The following NEBL variants were observed in gnomAD, a reference collection of about 807,000 sequenced individuals.
NEBL encodes the protein nebulette.
A neutral mutation model predicts 140.2 loss-of-function variants in NEBL; 122 were observed. The observed-to-expected ratio is 0.87, with a 90% confidence interval of 0.75 to 1.01. The LOEUF (loss-of-function observed/expected upper bound fraction) is 1.01. NEBL is among the 50% of genes least tolerant of loss of function. The pLI is 0.00. For synonymous variants in NEBL, 436 were observed against 398.9 expected, an observed-to-expected ratio of 1.09 and a Z score of -1.11; for missense variants, 1,365 against 1,231.3, an observed-to-expected ratio of 1.11 and a Z score of -1.62.
intron 5 of NEBL, among the ~76,000 whole-genome samples, chr10:20,873,522 A>G (rs1845186527): frequency 6.6e-6 from 1 of 152,140 alleles, no homozygotes; most frequent in Non-Finnish European, 1.5e-5. Flanking sequence ...AAGAAAGATT[A>G]AAGAAGAAGA....
intron 2 of NEBL, among the ~76,000 whole-genome samples, chr10:21,157,622 G>T (rs1840386616): frequency 6.6e-6 from 1 of 152,148 alleles, no homozygotes; most frequent in Non-Finnish European, 1.5e-5. Flanking sequence ...AAATTCTTCA[G>T]TTCACTGTGT....
intron 1 of NEBL, among the ~76,000 whole-genome samples, chr10:21,257,867 A>C (rs1326940248): frequency 6.6e-6 from 1 of 151,906 alleles, no homozygotes; most frequent in Non-Finnish European, 1.5e-5. Flanking sequence ...CCTGGGTGGC[A>C]GAGCGAGACT....
At position 20,812,882 on chromosome 10, in the gene NEBL, T is replaced by C. The variant is rs1838306537; in HGVS notation, c.2405A>G (p.Asp802Gly). The C allele has an allele frequency of 1.2e-6, 2 of 1,614,030 alleles. No individual in the cohort carries two copies. Residue 802 changes from aspartate (D) to glycine (G), a missense_variant, in exon 24 of 28, where the codon GAC (aspartate) becomes GGC (glycine). Around this residue, in one of 2 missense-constraint regions of NEBL, gnomAD observed 1,323 missense variants for 1,154.8 expected, o/e 1.15. Transcript: ENST00000377122. ...CCTCACTCTCTCTGTCACAGGATCG[T>C]CCACGACGGGAGTAAAGCCTCTCCC... ...TKGRGFTPVVDDPVTERVRKN... is the reference protein window; with the variant it reads ...TKGRGFTPVVGDPVTERVRKN...
chr10:21,278,874 G>T (rs1842956756), intron 1 of NEBL, among the ~76,000 whole-genome samples: 1 of 152,070 alleles, frequency 6.6e-6, no homozygotes, highest in Non-Finnish European at 1.5e-5. Context: ...CACCACACTG[G>T]CTGCTTCAAA....
chr10:20,851,051 T>C (rs1233403736), intron 10 of NEBL, among the ~76,000 whole-genome samples: 2 of 152,240 alleles, frequency 1.3e-5, no homozygotes, highest in Middle Eastern at 3.2e-3. Flanking sequence ...CAATATTTAA[T>C]ATCATATTAT....
At chr10:21,009,444 C>G (rs1289941509) in intron 3 of NEBL, among the ~76,000 whole-genome samples, 2 of 152,084 alleles carry the variant, frequency 1.3e-5, no homozygotes, top group African/African-American at 4.8e-5. Flanking sequence ...AAAAGGGGTC[C>G]AGAGCAGCTC....
chr10:20,858,444 T>C (rs909409252), intron 8 of NEBL, 100 bp from the exon 9 acceptor site: 16 of 979,424 alleles, frequency 1.6e-5, no homozygotes, highest in African/African-American at 4.8e-5. Context: ...GACTATTTAG[T>C]GGTAAATGGA....
intron 1 of NEBL, among the ~76,000 whole-genome samples, chr10:21,283,135 CAA>C (rs35005779): frequency 0.67 from 81,554 of 121,014 alleles, 26,269 homozygotes; most frequent in East Asian, 0.95. Flanking sequence ...GACTGTGTCT[CAA>C]AAAAAAAAAA....
chr10:21,163,218 T>C (rs1053611172), intron 2 of NEBL, among the ~76,000 whole-genome samples: 2 of 152,168 alleles, frequency 1.3e-5, no homozygotes, highest in African/African-American at 4.8e-5. Flanking sequence ...TTTTTTCCTA[T>C]AAGCAATAGG....
intron 4 of NEBL, among the ~76,000 whole-genome samples, chr10:20,932,688 A>T (rs949896155): frequency 3.3e-5 from 5 of 152,230 alleles, no homozygotes; most frequent in Admixed American, 1.3e-4. Flanking sequence ...TGATTAAAGG[A>T]ACTTCAATAG....
chr10:20,932,836 C>T (rs1235284560), intron 4 of NEBL, among the ~76,000 whole-genome samples: 1 of 152,214 alleles, frequency 6.6e-6, no homozygotes, highest in African/African-American at 2.4e-5. Context: ...TCAGCAATCC[C>T]TAACTTTGGG....
intron 3 of NEBL, among the ~76,000 whole-genome samples, chr10:20,966,911 G>A (rs1836339651): frequency 6.6e-6 from 1 of 152,152 alleles, no homozygotes; most frequent in Non-Finnish European, 1.5e-5. Flanking sequence ...ACCAGAGACT[G>A]GTAAATTGTT....
intron 3 of NEBL, among the ~76,000 whole-genome samples, chr10:21,190,247 A>G (rs1015356076): frequency 1.3e-5 from 2 of 152,154 alleles, no homozygotes; most frequent in East Asian, 1.9e-4. Flanking sequence ...TGAGAAGCCA[A>G]GGTGGGAGGA....
At chr10:21,166,606 C>T (rs1046478098) in intron 2 of NEBL, among the ~76,000 whole-genome samples, 5 of 152,290 alleles carry the variant, frequency 3.3e-5, no homozygotes, top group East Asian at 3.9e-4. Flanking sequence ...CACCAGGCTA[C>T]GGCCTATCCT....
chr10:21,242,105 G>C (rs1437102050), intron 3 of NEBL, among the ~76,000 whole-genome samples: 2 of 152,168 alleles, frequency 1.3e-5, no homozygotes, highest in African/African-American at 4.8e-5. Flanking sequence ...GGGAAGCTAA[G>C]ATGGGAGAAT....
chr10:20,787,685 T>G (rs1835544355), intron 26 of NEBL, among the ~76,000 whole-genome samples: 1 of 152,222 alleles, frequency 6.6e-6, no homozygotes, highest in African/African-American at 2.4e-5. Context: ...TTAAAGGAAT[T>G]TAATGATAGA....
Position 20,854,793 on chromosome 10 carries a change from G to A in NEBL, c.904-2144C>T, listed in dbSNP as rs111518365. Among the ~76,000 whole-genome samples the A allele has an allele frequency of 4.1e-3, 623 of 151,982 alleles. 4 individuals are homozygous for A. Among genetic ancestry groups the A allele is most frequent in the African/African-American group, 0.014 (590 of 41,480 alleles). ...CTGCCCACGCTGGTCTCAAACTCCT[G>A]GCCTCAAGCCATCCTCCTGCCTTGG... On this transcript the variant is annotated intron_variant, in intron 9 of 27. Coordinates refer to ENST00000377122, the MANE Select transcript of NEBL (RefSeq NM_006393.3).
At position 20,817,642 on chromosome 10, in the gene NEBL, T is replaced by C. The variant is rs1460174568; in HGVS notation, c.2106A>G (p.Pro702=). 1.9e-6 allele frequency: 3 copies of C among 1,613,960 alleles called. No individual in the cohort carries two copies. The African/African-American group carries it at 4.0e-5, about 22-fold the overall frequency. ...LQRGTAISDP[P]ELKRAKENQK... ...GGTTTTCTTTTGCCCTCTTCAGCTC[T>C]GGTGGATCAGAAATTGCAGTTCCCC... The change falls in exon 21 of 28, where the codon CCA becomes CCG. Residue 702 remains proline, a synonymous_variant. Coordinates refer to ENST00000377122, the MANE Select transcript of NEBL (RefSeq NM_006393.3).
chr10:21,239,973 G>A (rs936459671), intron 3 of NEBL, among the ~76,000 whole-genome samples: 6 of 150,800 alleles, frequency 4.0e-5, no homozygotes, highest in Non-Finnish European at 8.8e-5. Context: ...CCGAGATTGC[G>A]CCACTGCACT....
Sources: gnomAD v4.1 joint callset for allele counts (sites outside exome capture counted in the v4.1 genomes callset) on GRCh38, gnomAD v4.1.1 for gene constraint, gnomAD v4.1.1 regional missense constraint, MANE v1.5 for transcripts, NCBI Gene and HGNC (gene_info 2026-07-23, HGNC 2026-07-21) for gene names.